PHACTR2: variants seen among roughly 807,000 people sequenced by gnomAD.
The protein encoded by PHACTR2 is phosphatase and actin regulator 2.
Under a neutral mutation model 76.0 loss-of-function variants are expected in PHACTR2, and 30 were observed. The ratio of observed to expected loss-of-function variants is 0.39; its 90% CI spans 0.30 to 0.54. PHACTR2 has a LOEUF of 0.54. Ranked by LOEUF, PHACTR2 falls within the 20% of genes least tolerant of loss-of-function variation. PHACTR2 has a pLI of 0.61. For missense variants in PHACTR2, 696 were observed against 781.1 expected (o/e 0.89, Z 1.30); for synonymous variants, 292 against 292.5 (o/e 1.00, Z 0.02).
intron 6 of PHACTR2, among the ~76,000 whole-genome samples, chr6:143,771,164 ATATATATATG>A (rs1775107006): frequency 6.6e-5 from 2 of 30,078 alleles, no homozygotes; most frequent in African/African-American, 3.8e-4. Flanking sequence ...ATATGTATAT[ATATATATATG>A]TATATATATA....
rs779523690 is a variant in PHACTR2 at position 143,625,556 on chromosome 6, G to A, written c.13+17234G>A. Among the ~76,000 whole-genome samples the A allele has an allele frequency of 2.6e-5, 4 of 152,196 alleles. No homozygotes were observed. The highest frequency in any genetic ancestry group is 6.5e-5 in the Admixed American group (1 of 15,288). ...TATTGATTTCCATTTCCCCTTGTGC[G>A]GTGTGTCTCCAATAGATGTAATATC... is the stretch of plus-strand genomic sequence containing the variant. On this transcript the variant is annotated intron_variant, in intron 1 of 11. Coordinates refer to the PHACTR2 transcript ENST00000305766. The surrounding 1 kb of genome is among the most constrained non-coding windows in gnomAD (Gnocchi z 4.3).
At position 143,646,427 on chromosome 6, in the gene PHACTR2, G is replaced by C. The variant is rs1164380997; in HGVS notation, c.13+38105G>C. On this transcript the variant is annotated intron_variant, in intron 1 of 11. Coordinates refer to the PHACTR2 transcript ENST00000305766. This position sits in a 1 kb window ranked among gnomAD's most constrained non-coding sequence, Gnocchi z 4.1. Reference sequence around the variant, plus strand: ...GCTCTCAAATATCCATAGTATGAGTGACAGACCTGTAAAATCTAATTGACT... The same window carrying C: ...GCTCTCAAATATCCATAGTATGAGTCACAGACCTGTAAAATCTAATTGACT... Among the ~76,000 whole-genome samples, 1 of 152,120 alleles carries C rather than the reference G, an allele frequency of 6.6e-6. No individual in the cohort carries two copies. The highest frequency in any genetic ancestry group is 1.5e-5 in the Non-Finnish European group (1 of 68,022).
chr6:143,658,573 A>G lies in PHACTR2; in HGVS notation c.13+50251A>G, dbSNP rs3934959. Among the ~76,000 whole-genome samples, 33,178 of 152,124 alleles carry G rather than the reference A, an allele frequency of 0.22. 3,722 individuals are homozygous for G. Among genetic ancestry groups the G allele is most frequent in the East Asian group, 0.38 (1,987 of 5,170 alleles). On this transcript the variant is annotated intron_variant, in intron 1 of 11. Coordinates refer to the PHACTR2 transcript ENST00000305766. The surrounding 1 kb of genome is among the most constrained non-coding windows in gnomAD (Gnocchi z 4.1). Reference sequence around the variant, plus strand: ...TACTATACAACCTAGGCTGTATGGTATAGCTTATTTCTCCCAAGCTACAAA... The same window carrying G: ...TACTATACAACCTAGGCTGTATGGTGTAGCTTATTTCTCCCAAGCTACAAA...
chr6:143,661,175 A>G (rs1776941114), intron 1 of PHACTR2, among the ~76,000 whole-genome samples: 1 of 152,244 alleles, frequency 6.6e-6, no homozygotes, highest in African/African-American at 2.4e-5. Flanking sequence ...TTAAGGTGGG[A>G]ACAAAGTAAA....
In PHACTR2 at chr6:143,554,075, G is replaced by A. The variant is rs1290945910; in HGVS notation, c.217+16868G>A. 1.3e-5 allele frequency among the ~76,000 whole-genome samples: 2 copies of A among 152,058 alleles called. No individual in the cohort carries two copies. Among genetic ancestry groups the A allele is most frequent in the African/African-American group, 2.4e-5 (1 of 41,408 alleles). Reference sequence around the variant, plus strand: ...CAGTGGCGGGGGCGCTGGGCAGAGGGGCATCATGTTTTTTGATACAAATGT... The same window carrying A: ...CAGTGGCGGGGGCGCTGGGCAGAGGAGCATCATGTTTTTTGATACAAATGT... On this transcript the variant is annotated intron_variant, in intron 1 of 11. Coordinates refer to the PHACTR2 transcript ENST00000367584. This position sits in a 1 kb window ranked among gnomAD's most constrained non-coding sequence, Gnocchi z 5.9.
intron 1 of PHACTR2, among the ~76,000 whole-genome samples, chr6:143,704,097 G>GTGTGTGTGTGTC (rs1554221243): frequency 3.5e-5 from 5 of 142,454 alleles, no homozygotes; most frequent in Admixed American, 6.9e-5. Flanking sequence ...GTGTGTGTCT[G>GTGTGTGTGTGTC]TGTGTGTGTG....
rs868333589 is a variant in PHACTR2 at position 143,690,223 on chromosome 6, C to T, written c.46+12014C>T. On this transcript the variant is annotated intron_variant, in intron 1 of 12. Coordinates refer to ENST00000440869, the MANE Select transcript of PHACTR2 (RefSeq NM_001100164.2). ...TCGCTTCTCAATATGTTCAAATACT[C>T]GAGTTATTCTTACAGGTTCATCTTT... 1.1e-4 allele frequency among the ~76,000 whole-genome samples: 17 copies of T among 152,266 alleles called. No homozygotes were observed. In the Middle Eastern group the frequency reaches 0.01, roughly 91 times the overall value.
Position 143,541,524 on chromosome 6 carries a change from T to G in PHACTR2, c.217+4317T>G, listed in dbSNP as rs1003510559. On this transcript the variant is annotated intron_variant, in intron 1 of 11. Coordinates refer to the PHACTR2 transcript ENST00000367584. This position sits in a 1 kb window ranked among gnomAD's most constrained non-coding sequence, Gnocchi z 5.3. ...ACCTCCAAAAAAAGCAGTATAGGTG[T>G]GTGGACCACTTCATTAGCTTAATGT... Among the ~76,000 whole-genome samples the G allele has an allele frequency of 6.6e-6, 1 of 152,234 alleles. No individual in the cohort carries two copies. The highest frequency in any genetic ancestry group is 1.5e-5 in the Non-Finnish European group (1 of 68,040).
Position 143,554,591 on chromosome 6 carries a change from G to C in PHACTR2, c.217+17384G>C, listed in dbSNP as rs1033728456. On this transcript the variant is annotated intron_variant, in intron 1 of 11. Transcript: ENST00000367584. This position sits in a 1 kb window ranked among gnomAD's most constrained non-coding sequence, Gnocchi z 5.9. ...ACAGGATGATCAGCCCTCACCTGAG[G>C]AAAGGTGAAGGGCTAAGGAACTCGA... The C allele has an allele frequency of 6.6e-6, 1 of 152,222 alleles. No individual in the cohort carries two copies. Among genetic ancestry groups the C allele is most frequent in the African/African-American group, 2.4e-5 (1 of 41,440 alleles). The allele number at this position is 152,222 out of a possible 1,614,324, so 9.4% of individuals were successfully genotyped here.
At position 143,697,543 on chromosome 6, in the gene PHACTR2, T is replaced by C. The variant is rs1263393177; in HGVS notation, c.47-14473T>C. Among the ~76,000 whole-genome samples, 2 of 152,252 alleles carry C rather than the reference T, an allele frequency of 1.3e-5. No homozygotes were observed. Among genetic ancestry groups the C allele is most frequent in the East Asian group, 3.8e-4 (2 of 5,206 alleles). The stretch of plus-strand genomic sequence containing the variant: ...AATTACCTTGTAAAGAGCAATTAAG[T>C]GTTTGCTTACCTGAAAACTGTGTCA... On this transcript the variant is annotated intron_variant, in intron 1 of 12. Transcript: ENST00000440869. The surrounding 1 kb of genome is among the most constrained non-coding windows in gnomAD (Gnocchi z 4.4).
Position 143,807,386 on chromosome 6 carries a change from T to C in PHACTR2, c.1922+253T>C, listed in dbSNP as rs1436056862. Among the ~76,000 whole-genome samples the C allele has an allele frequency of 1.3e-5, 2 of 152,242 alleles. No individual in the cohort carries two copies. Among genetic ancestry groups the C allele is most frequent in the Admixed American group, 1.3e-4 (2 of 15,288 alleles). ...GTTTTAAAGATATGACTAGATAAGA[T>C]TGTAAATTTCTAGAATTTCATAATA... On this transcript the variant is annotated intron_variant, in intron 12 of 12. Coordinates refer to ENST00000440869, the MANE Select transcript of PHACTR2 (RefSeq NM_001100164.2). The surrounding 1 kb of genome is among the most constrained non-coding windows in gnomAD (Gnocchi z 5.5).
Position 143,793,461 on chromosome 6 carries a change from A to T in PHACTR2, c.1845+4551A>T, listed in dbSNP as rs1775757561. On this transcript the variant is annotated intron_variant, in intron 11 of 12. Transcript: ENST00000440869. This position sits in a 1 kb window ranked among gnomAD's most constrained non-coding sequence, Gnocchi z 4.4. ...ACAGCCACTGCCCCTCTCTCCTCAC[A>T]CATGGGCCTCATTTTCTCCCTCTGA... is the stretch of plus-strand genomic sequence containing the variant. 6.6e-6 allele frequency among the ~76,000 whole-genome samples: 1 copy of T among 152,028 alleles called. No homozygotes were observed.
chr6:143,704,519 C>A (rs1582790918), intron 1 of PHACTR2, among the ~76,000 whole-genome samples: 1 of 152,294 alleles, frequency 6.6e-6, no homozygotes, highest in Middle Eastern at 3.4e-3. Context: ...ATAGCGAATG[C>A]CACATTTTAA....
In PHACTR2 at chr6:143,633,905, T is replaced by A. The variant is rs1340537646; in HGVS notation, c.13+25583T>A. ...TGTAAGATGAACTATAGATTTAAGA[T>A]GAAAGTAAAAACGGTCCTCGTTTAG... On this transcript the variant is annotated intron_variant, in intron 1 of 11. Transcript: ENST00000305766. This position sits in a 1 kb window ranked among gnomAD's most constrained non-coding sequence, Gnocchi z 4.1. 6.6e-6 allele frequency among the ~76,000 whole-genome samples: 1 copy of A among 152,220 alleles called. No individual in the cohort carries two copies. Among genetic ancestry groups the A allele is most frequent in the Admixed American group, 6.5e-5 (1 of 15,276 alleles).
chr6:143,577,559 T>C (rs1046155811), intron 1 of PHACTR2, among the ~76,000 whole-genome samples: 2 of 152,192 alleles, frequency 1.3e-5, no homozygotes, highest in African/African-American at 2.4e-5. Context: ...ATGCCCCGTG[T>C]GAGTTTTCAG....
intron 11 of PHACTR2, among the ~76,000 whole-genome samples, chr6:143,804,991 G>A (rs1460848096): frequency 6.6e-6 from 1 of 152,152 alleles, no homozygotes; most frequent in Non-Finnish European, 1.5e-5. Context: ...TGGTTTTCCA[G>A]ATAAGAAAAT....
chr6:143,604,073 G>C (rs1775840832), upstream of PHACTR2, among the ~76,000 whole-genome samples: 1 of 147,200 alleles, frequency 6.8e-6, no homozygotes. Context: ...ACTCCAGCCT[G>C]GTGACAGAGA....
rs1775471802 is a variant in PHACTR2 at position 143,783,132 on chromosome 6, GT to G, written c.1646-86del. On this transcript the variant is annotated intron_variant, in intron 9 of 12. Transcript: ENST00000440869. This position sits in a 1 kb window ranked among gnomAD's most constrained non-coding sequence, Gnocchi z 5.2. ...GTGTGTTTGATCATTATTTGTTAGAGTCACATGATCGTGGCCTGATACACTT... is the reference window on the plus strand; with the variant it reads ...GTGTGTTTGATCATTATTTGTTAGAGCACATGATCGTGGCCTGATACACTT... 3.7e-5 allele frequency: 27 copies of G among 733,704 alleles called. No individual in the cohort carries two copies. In the South Asian group the frequency reaches 4.2e-4, roughly 11 times the overall value. 45.4% of individuals were successfully genotyped at this position (733,704 alleles called of 1,614,324 possible).
Position 143,749,025 on chromosome 6 carries a change from G to A in PHACTR2, c.255G>A (p.Glu85=). The change falls in exon 3 of 13, where the codon GAG becomes GAA. Residue 85 remains glutamate, a synonymous_variant. Transcript: ENST00000440869. ...RKISTRQSRE[E]LIRRGVLKEL... is the part of the protein sequence containing the mutation. ...TATCCACACGACAAAGTAGAGAGGA[G>A]CTGATAAGAAGGGGAGTGCTTAAGG... 1 of 1,592,912 alleles carries A rather than the reference G, an allele frequency of 6.3e-7. No individual in the cohort carries two copies. The highest frequency in any genetic ancestry group is 1.1e-5 in the South Asian group (1 of 90,566).
Sources: gnomAD v4.1 joint callset for allele counts (sites outside exome capture counted in the v4.1 genomes callset) on GRCh38, gnomAD v4.1.1 for gene constraint, Gnocchi (gnomAD v3.1) non-coding constraint, MANE v1.5 for transcripts, NCBI Gene and HGNC (gene_info 2026-07-23, HGNC 2026-07-21) for gene names.